Variants in SDK1 observed in about 807,000 individuals in gnomAD.
SDK1 encodes sidekick cell adhesion molecule 1.
Under a neutral mutation model 245.5 loss-of-function variants are expected in SDK1, and 157 were observed. The observed-to-expected ratio is 0.64, with a 90% CI of 0.56 to 0.73. The LOEUF (loss-of-function observed/expected upper bound fraction) is 0.73, where lower values mean the gene tolerates loss of function less well. Among genes scored for constraint, SDK1 ranks in the 30% least tolerant of loss-of-function variants. The probability of loss-of-function intolerance (pLI) is 0.00; values close to 1 mark genes in which losing one functional copy is unlikely to be tolerated. For missense variants in SDK1, 3,583 were observed against 3,002.3 expected (o/e 1.19, Z -4.52); for synonymous variants, 1,647 against 1,278.5 (o/e 1.29, Z -6.15).
At chr7:3,333,870 C>T (rs1054940418) in intron 1 of SDK1, among the ~76,000 whole-genome samples, 1 of 152,238 alleles carries the variant, frequency 6.6e-6, no homozygotes, top group Non-Finnish European at 1.5e-5. Context: ...ATTCCCAAGG[C>T]TGCCCTGTGG....
At chr7:3,670,790 T>A (rs986337641) in intron 4 of SDK1, among the ~76,000 whole-genome samples, 2 of 152,236 alleles carry the variant, frequency 1.3e-5, no homozygotes, top group Non-Finnish European at 2.9e-5. Flanking sequence ...AGACCCAGTT[T>A]ATGTCTGTTG....
At chr7:3,413,359 A>G (rs1191534495) in intron 1 of SDK1, among the ~76,000 whole-genome samples, 2 of 152,226 alleles carry the variant, frequency 1.3e-5, no homozygotes, top group African/African-American at 4.8e-5. Context: ...AGGAGTTGCA[A>G]GATTTCAAAT....
At chr7:3,756,755 C>G (rs1463305319) in intron 4 of SDK1, among the ~76,000 whole-genome samples, 1 of 152,094 alleles carries the variant, frequency 6.6e-6, no homozygotes, top group African/African-American at 2.4e-5. Context: ...CGTCAGGCAT[C>G]TTTGGGTCGT....
intron 22 of SDK1, among the ~76,000 whole-genome samples, chr7:4,088,653 AG>A (rs1430885772): frequency 6.6e-6 from 1 of 151,974 alleles, no homozygotes. Flanking sequence ...TCTGTTGGTA[AG>A]GTGGTTCACA....
intron 1 of SDK1, among the ~76,000 whole-genome samples, chr7:3,596,071 G>C (rs1233935249): frequency 2.0e-5 from 3 of 151,408 alleles, no homozygotes; most frequent in Non-Finnish European, 4.4e-5. Flanking sequence ...ATAATTGTTA[G>C]GTAGCACAGA....
At chr7:3,975,948 G>C (rs1029201333) in intron 13 of SDK1, among the ~76,000 whole-genome samples, 1 of 138,776 alleles carries the variant, frequency 7.2e-6, no homozygotes, top group Non-Finnish European at 1.6e-5. Flanking sequence ...CCGGGGCTGA[G>C]GCTGCCACGC....
intron 31 of SDK1, among the ~76,000 whole-genome samples, chr7:4,159,959 G>A (rs1442286449): frequency 3.3e-5 from 5 of 152,290 alleles, no homozygotes; most frequent in Middle Eastern, 6.8e-3. Flanking sequence ...TATGCGGGAG[G>A]ATGTGTGCAG....
At chr7:4,070,980 G>A (rs886220888) in intron 20 of SDK1, among the ~76,000 whole-genome samples, 2 of 152,036 alleles carry the variant, frequency 1.3e-5, no homozygotes, top group African/African-American at 4.8e-5. Flanking sequence ...AAAGTGTGCT[G>A]TGCCTCTTAT....
chr7:3,665,204 C>G (rs1193281782), intron 4 of SDK1, among the ~76,000 whole-genome samples: 1 of 152,196 alleles, frequency 6.6e-6, no homozygotes, highest in African/African-American at 2.4e-5. Flanking sequence ...GAGACCCACA[C>G]ATGGGGACCA....
At chr7:4,176,466 G>C (rs1782219111) in intron 34 of SDK1, among the ~76,000 whole-genome samples, 3 of 152,230 alleles carry the variant, frequency 2.0e-5, no homozygotes, top group South Asian at 4.1e-4. Context: ...ACTGCACCCA[G>C]CCTTTCTTTT....
At position 3,301,464 on chromosome 7, in the gene SDK1, C is replaced by T. The variant is rs1287539170; in HGVS notation, c.-123C>T. The T allele has an allele frequency of 9.7e-6, 2 of 206,510 alleles. No individual in the cohort carries two copies. Among genetic ancestry groups the T allele is most frequent in the Admixed American group, 1.3e-4 (2 of 14,842 alleles). 12.8% of individuals were successfully genotyped at this position (206,510 alleles called of 1,614,324 possible). Reference sequence around the variant, plus strand: ...GACGCCGCCCCTCAGCGCTGGGCGGCCGCTCACCTCGGGCCGGGGGGCGCC... The same window carrying T: ...GACGCCGCCCCTCAGCGCTGGGCGGTCGCTCACCTCGGGCCGGGGGGCGCC... On this transcript the variant is annotated 5_prime_UTR_variant, in exon 1 of 45. Coordinates refer to ENST00000404826, the MANE Select transcript of SDK1 (RefSeq NM_152744.4).
At position 4,162,369 on chromosome 7, in the gene SDK1, G is replaced by GTTGTTATTATTATTA. The variant is rs776772572; in HGVS notation, c.4800+515_4800+516insGTTATTATTATTATT. Among the ~76,000 whole-genome samples, 15 of 128,382 alleles carry GTTGTTATTATTATTA rather than the reference G, an allele frequency of 1.2e-4. No homozygotes were observed. The East Asian group carries it at 2.5e-3, about 22-fold the overall frequency. The allele number at this position is 128,382 out of a possible 152,430, so 84.2% of individuals were successfully genotyped here. A position where few individuals can be genotyped will look rare whatever the true frequency, so the allele number is the denominator to read the frequency against. On this transcript the variant is annotated intron_variant, in intron 32 of 44. Transcript: ENST00000404826. ...GGTGGTGGTGGTGGTTGTTGTTGTT[G>GTTGTTATTATTATTA]TTATTATTATTATTATTATTATTAT...
intron 1 of SDK1, among the ~76,000 whole-genome samples, chr7:3,510,589 C>T (rs1370829836): frequency 7.2e-5 from 11 of 152,128 alleles, no homozygotes; most frequent in African/African-American, 2.7e-4. Context: ...AGAAAGAATA[C>T]AGGCTCAGAG....
intron 4 of SDK1, among the ~76,000 whole-genome samples, chr7:3,680,423 T>A (rs996744997): frequency 6.6e-6 from 1 of 152,120 alleles, no homozygotes; most frequent in Non-Finnish European, 1.5e-5. Flanking sequence ...AATGCGCACG[T>A]GATAAAACTG....
intron 1 of SDK1, among the ~76,000 whole-genome samples, chr7:3,536,817 T>A (rs1032841192): frequency 2.6e-5 from 4 of 152,246 alleles, no homozygotes; most frequent in African/African-American, 9.6e-5. Context: ...GTATTTAATA[T>A]TTTTAACAAT....
At chr7:4,029,731 C>T (rs1583878641) in intron 17 of SDK1, among the ~76,000 whole-genome samples, 1 of 152,152 alleles carries the variant, frequency 6.6e-6, no homozygotes, top group East Asian at 1.9e-4. Context: ...TGGGCTTCTC[C>T]TGGGCAGTAC....
At position 4,210,140 on chromosome 7, in the gene SDK1, C is replaced by T. The variant is rs773356185; in HGVS notation, c.5517C>T (p.Tyr1839=). The change falls in exon 38 of 45, where the codon TAC becomes TAT. Residue 1839 remains tyrosine (Y), a synonymous_variant. Transcript: ENST00000404826. ...TCCTGCAGGGCTATCGGGTGGTGTA[C>T]GAGCCCTTGGCCCCTGTACAAGGTA... The part of the protein sequence containing the change: ...NGILQGYRVV[Y]EPLAPVQGVS... 9 of 1,594,016 alleles carry T rather than the reference C, an allele frequency of 5.6e-6. No homozygotes were observed. The highest frequency in any genetic ancestry group is 1.7e-4 in the Middle Eastern group (1 of 5,986).
rs777323582 is a variant in SDK1, at chr7:4,178,599, CA to C, written c.5098+14del. Reference sequence around the variant, plus strand: ...GTCGGCGAGGCTGGTAAGCTCCGTGCACCCCCAACCCCACTGCCAGAGAGGG... The same window carrying C: ...GTCGGCGAGGCTGGTAAGCTCCGTGCCCCCCAACCCCACTGCCAGAGAGGG... On this transcript the variant is annotated intron_variant, in intron 35 of 44. Coordinates refer to ENST00000404826, the MANE Select transcript of SDK1 (RefSeq NM_152744.4). The C allele has an allele frequency of 3.7e-4, 585 of 1,588,606 alleles. No homozygotes were observed. Among genetic ancestry groups the C allele is most frequent in the Non-Finnish European group, 4.6e-4 (538 of 1,162,274 alleles).
intron 1 of SDK1, among the ~76,000 whole-genome samples, chr7:3,359,021 T>A (rs539805074): frequency 6.6e-6 from 1 of 152,190 alleles, no homozygotes; most frequent in African/African-American, 2.4e-5. Flanking sequence ...GTTATGCTGG[T>A]TTCCTCAGGG....
Sources: allele counts gnomAD v4.1 joint callset (sites outside exome capture counted in the v4.1 genomes callset), GRCh38; gene constraint gnomAD v4.1.1; transcripts MANE v1.5; gene names NCBI Gene and HGNC (gene_info 2026-07-23, HGNC 2026-07-21).